The following KIF18B variants were observed in gnomAD, a reference collection of about 807,000 sequenced individuals.
KIF18B encodes kinesin family member 18B, also known as kinesin-like protein KIF18B.
KIF18B carries 49 observed loss-of-function variants against 80.9 expected under a neutral mutation model. The ratio of observed to expected loss-of-function variants is 0.61; its 90% CI spans 0.48 to 0.77. The LOEUF (loss-of-function observed/expected upper bound fraction) is 0.77, where lower values mean the gene tolerates loss of function less well. Among genes scored for constraint, KIF18B ranks in the 30% least tolerant of loss-of-function variants. KIF18B has a pLI of 0.00. For missense variants in KIF18B, 994 were observed against 1,127.7 expected, an observed-to-expected ratio of 0.88 and a Z score of 1.70; for synonymous variants, 439 against 463.9, an observed-to-expected ratio of 0.95 and a Z score of 0.69.
At position 44,925,916 on chromosome 17, in the gene KIF18B, G is replaced by A. The variant is rs1225312170; in HGVS notation, c.*164C>T. The A allele has an allele frequency of 7.4e-6, 5 of 678,588 alleles. No homozygotes were observed. Among genetic ancestry groups the A allele is most frequent in the Non-Finnish European group, 1.0e-5 (4 of 384,600 alleles). The allele number at this position is 678,588 out of a possible 1,614,324, so 42.0% of individuals were successfully genotyped here. A position where few individuals can be genotyped will look rare whatever the true frequency, so the allele number is the denominator to read the frequency against. On this transcript the variant is annotated 3_prime_UTR_variant, in exon 16 of 16. Coordinates refer to ENST00000593135, the MANE Select transcript of KIF18B (RefSeq NM_001265577.2). Reference sequence around the variant, plus strand: ...ACAGAGGGTGAGTAGCAGGATGGATGTCTGGGGAGGGATGTTAATACAGCA... The same window carrying A: ...ACAGAGGGTGAGTAGCAGGATGGATATCTGGGGAGGGATGTTAATACAGCA...
chr17:44,931,446 G>T (rs1362343993), intron 11 of KIF18B, among the ~76,000 whole-genome samples, 156 bp downstream of exon 11: 7 of 152,228 alleles, frequency 4.6e-5, no homozygotes, highest in Non-Finnish European at 7.3e-5. Context: ...TAATCAAGTA[G>T]GTGACGATAA....
intron 10 of KIF18B, 83 bp downstream of exon 10, chr17:44,931,973 T>C: frequency 6.9e-7 from 1 of 1,451,260 alleles, no homozygotes; most frequent in Non-Finnish European, 9.3e-7. Context: ...AAAGGGACTC[T>C]GAGTCAGGGA....
chr17:44,934,786 A>C lies in KIF18B; in HGVS notation c.576+45T>G. On this transcript the variant is annotated intron_variant, in intron 4 of 15. Coordinates refer to ENST00000593135, the MANE Select transcript of KIF18B (RefSeq NM_001265577.2). The surrounding 1 kb of genome is among the most constrained non-coding windows in gnomAD (Gnocchi z 5.4). ...CCAAACAGTTTTGTGAGGGAACCCC[A>C]AGGACCCATGGGGCCGATCATCCTA... 7.0e-7 allele frequency: 1 copy of C among 1,436,726 alleles called. No homozygotes were observed. Among genetic ancestry groups the C allele is most frequent in the Non-Finnish European group, 9.5e-7 (1 of 1,051,148 alleles). 89.0% of individuals were successfully genotyped at this position (1,436,726 alleles called of 1,614,324 possible).
At chr17:44,941,378 G>A (rs1243791255) in intron 1 of KIF18B, among the ~76,000 whole-genome samples, 2 of 141,146 alleles carry the variant, frequency 1.4e-5, no homozygotes, top group Admixed American at 7.5e-5. Context: ...TCGCTCTGTC[G>A]CCCAGACTAG....
chr17:44,936,332 C>A lies in KIF18B; in HGVS notation c.13G>T (p.Asp5Tyr), dbSNP rs769501454. MAVE[D>Y]STLQVVVRVR... ...CGTACCACTACTTGCAGCGTGCTGT[C>A]CTCCACTGCCATCACTGTGGTGACA... Residue 5 changes from aspartate to tyrosine, a missense_variant, in exon 2 of 16, where the codon GAC becomes TAC. Physicochemically the swap from Asp to Tyr is radical, Grantham distance 160. Transcript: ENST00000593135. 1.2e-6 allele frequency: 2 copies of A among 1,605,106 alleles called. No homozygotes were observed. The highest frequency in any genetic ancestry group is 1.7e-6 in the Non-Finnish European group (2 of 1,177,204).
At position 44,932,949 on chromosome 17, in the gene KIF18B, C is replaced by A. The variant is rs1004481465; in HGVS notation, c.1100G>T (p.Ser367Ile). The A allele has an allele frequency of 1.2e-6, 2 of 1,607,436 alleles. No homozygotes were observed. The highest frequency in any genetic ancestry group is 1.7e-6 in the Non-Finnish European group (2 of 1,174,618). ...SNVTSLDCHISQYATICQQLQ... is the reference protein window; with the variant it reads ...SNVTSLDCHIIQYATICQQLQ... ...CTGTTGGCAGATGGTAGCATACTGG[C>A]TGATGTGACAGTCCAGGCTGGTCAC... is the stretch of plus-strand genomic sequence containing the variant. The change falls in exon 8 of 16, where the codon AGC becomes ATC. Residue 367 changes from serine to isoleucine, a missense_variant. Physicochemically the swap from Ser to Ile is moderately radical, Grantham distance 142. Coordinates refer to ENST00000593135, the MANE Select transcript of KIF18B (RefSeq NM_001265577.2).
intron 11 of KIF18B, among the ~76,000 whole-genome samples, chr17:44,930,039 G>GC (rs2052114092): frequency 6.6e-6 from 1 of 152,202 alleles, no homozygotes; most frequent in Admixed American, 6.5e-5. Context: ...CATCTCTGAA[G>GC]CCCCCTCCAC....
Position 44,926,079 on chromosome 17 carries a change from G to A in KIF18B, c.*1C>T. On this transcript the variant is annotated 3_prime_UTR_variant, in exon 16 of 16. Coordinates refer to ENST00000593135, the MANE Select transcript of KIF18B (RefSeq NM_001265577.2). ...CCTTGGTGGTCAGGACATTCTGGCG[G>A]TCAGGACACCTTGGTGACGCCGTTC... 6 of 1,613,924 alleles carry A rather than the reference G, an allele frequency of 3.7e-6. No homozygotes were observed. The highest frequency in any genetic ancestry group is 4.2e-6 in the Non-Finnish European group (5 of 1,179,872).
At position 44,928,923 on chromosome 17, in the gene KIF18B, T is replaced by A; in HGVS notation, c.1619A>T (p.Gln540Leu). ...PDMITEFETL[Q>L]QLVQEEKIEP... is the part of the protein sequence containing the mutation. ...AATTTTTTCCTCTTGCACCAGCTGC[T>A]GTAGGGTCTCAAACTCTGTGATCAT... Residue 540 changes from glutamine to leucine, a missense_variant, in exon 12 of 16, where the codon CAG becomes CTG. Physicochemically the swap from Gln to Leu is moderately radical, Grantham distance 113. Coordinates refer to ENST00000593135, the MANE Select transcript of KIF18B (RefSeq NM_001265577.2). 1 of 1,613,988 alleles carries A rather than the reference T, an allele frequency of 6.2e-7. No homozygotes were observed. Among genetic ancestry groups the A allele is most frequent in the Non-Finnish European group, 8.5e-7 (1 of 1,179,878 alleles).
intron 1 of KIF18B, among the ~76,000 whole-genome samples, chr17:44,941,890 TC>T (rs2052427546): frequency 6.6e-6 from 1 of 152,184 alleles, no homozygotes. Context: ...TCCTCCCGCC[TC>T]CTGAGGGCCA....
Position 44,934,295 on chromosome 17 carries a change from C to T in KIF18B, c.823G>A (p.Ala275Thr), listed in dbSNP as rs547106991. 1.2e-6 allele frequency: 2 copies of T among 1,612,726 alleles called. No individual in the cohort carries two copies. The highest frequency in any genetic ancestry group is 1.3e-5 in the African/African-American group (1 of 75,052). Residue 275 changes from alanine (A) to threonine (T), a missense_variant, in exon 6 of 16, where the codon GCC becomes ACC. Coordinates refer to ENST00000593135, the MANE Select transcript of KIF18B (RefSeq NM_001265577.2). This position sits in a 1 kb window ranked among gnomAD's most constrained non-coding sequence, Gnocchi z 5.4. ...GCCAGCAGAGAGCGGTTGATGTTGG[C>T]CCCCTCCCGCAGCCGCTCCCCCTTC... ...HAKGERLREG[A>T]NINRSLLALI...
chr17:44,935,549 T>C, intron 2 of KIF18B, 133 bp from the exon 3 acceptor site: 1 of 923,060 alleles, frequency 1.1e-6, no homozygotes, highest in Non-Finnish European at 1.6e-6. Context: ...ACACCCTCCA[T>C]GTTCCCGCTG....
chr17:44,932,041 A>AC lies in KIF18B; in HGVS notation c.1389+14dup. The AC allele has an allele frequency of 1.3e-6, 2 of 1,593,726 alleles. No individual in the cohort carries two copies. Among genetic ancestry groups the AC allele is most frequent in the Non-Finnish European group, 1.7e-6 (2 of 1,167,722 alleles). ...AGCCCTCCCGATACCCAGGCCTCAC[A>AC]CCCCCAAGTCCTACCTCCTCAGCTG... On this transcript the variant is annotated intron_variant, in intron 10 of 15. Transcript: ENST00000593135.
chr17:44,936,619 TATATA>T (rs1248745970), intron 1 of KIF18B, among the ~76,000 whole-genome samples: 167 of 76,896 alleles, frequency 2.2e-3, no homozygotes, highest in African/African-American at 5.2e-3. Context: ...TATATATATA[TATATA>T]TTTTTTTTTT....
intron 1 of KIF18B, among the ~76,000 whole-genome samples, chr17:44,942,682 C>T (rs2145743909): frequency 6.6e-6 from 1 of 152,352 alleles, no homozygotes; most frequent in African/African-American, 2.4e-5. Context: ...CCCGGCCCAG[C>T]ATGCAGCAGA....
chr17:44,928,858 T>C lies in KIF18B; in HGVS notation c.1684A>G (p.Arg562Gly). The part of the protein sequence containing the change: ...AEALRTSGLA[R>G]GAPLAQELCS... ...AGCTCCTGAGCCAGAGGTGCCCCCC[T>C]GGCCAGGCCTGAAGTCCTCAAGGCC... The change falls in exon 12 of 16, where the codon AGG becomes GGG. Residue 562 changes from arginine to glycine, a missense_variant. Coordinates refer to ENST00000593135, the MANE Select transcript of KIF18B (RefSeq NM_001265577.2). 1.2e-6 allele frequency: 2 copies of C among 1,613,874 alleles called. No homozygotes were observed. The highest frequency in any genetic ancestry group is 2.2e-5 in the South Asian group (2 of 91,076).
chr17:44,928,886 T>C lies in KIF18B; in HGVS notation c.1656A>G (p.Ala552=), dbSNP rs375055750. Residue 552 remains alanine, a synonymous_variant, in exon 12 of 16, where the codon GCA becomes GCG. Coordinates refer to ENST00000593135, the MANE Select transcript of KIF18B (RefSeq NM_001265577.2). ...LVQEEKIEPG[A]EALRTSGLAR... is the part of the protein sequence containing the mutation. ...CCAGGCCTGAAGTCCTCAAGGCCTCTGCCCCAGGCTCAATTTTTTCCTCTT... is the reference window on the plus strand; with the variant it reads ...CCAGGCCTGAAGTCCTCAAGGCCTCCGCCCCAGGCTCAATTTTTTCCTCTT... 9 of 1,613,838 alleles carry C rather than the reference T, an allele frequency of 5.6e-6. No homozygotes were observed. The highest frequency in any genetic ancestry group is 7.6e-6 in the Non-Finnish European group (9 of 1,179,858).
chr17:44,931,523 A>G, intron 11 of KIF18B, 79 bp downstream of exon 11: 1 of 1,592,248 alleles, frequency 6.3e-7, no homozygotes, highest in South Asian at 1.1e-5. Context: ...TGATGTGCTT[A>G]ACACCAATTC....
rs375961294 is a variant in KIF18B at position 44,932,793 on chromosome 17, G to A, written c.1138-20C>T. 1.9e-6 allele frequency: 3 copies of A among 1,600,792 alleles called. No individual in the cohort carries two copies. In the East Asian group the frequency reaches 6.7e-5, roughly 36 times the overall value. Reference sequence around the variant, plus strand: ...GGCTACCTGGAACAGAAGCAGCCCAGCCCCTGAGAGCCCCAGCTAAGCACA... The same window carrying A: ...GGCTACCTGGAACAGAAGCAGCCCAACCCCTGAGAGCCCCAGCTAAGCACA... On this transcript the variant is annotated intron_variant, in intron 8 of 15. Coordinates refer to ENST00000593135, the MANE Select transcript of KIF18B (RefSeq NM_001265577.2).
Sources: allele counts gnomAD v4.1 joint callset (sites outside exome capture counted in the v4.1 genomes callset), GRCh38; gene constraint gnomAD v4.1.1; non-coding constraint Gnocchi (gnomAD v3.1); transcripts MANE v1.5; gene names NCBI Gene and HGNC (gene_info 2026-07-23, HGNC 2026-07-21).